The following SPATA16 variants were observed in gnomAD, a reference collection of about 807,000 sequenced individuals.
SPATA16 encodes the protein spermatogenesis associated 16, also known as spermatogenesis-associated protein 16.
In SPATA16, 36 loss-of-function variants were observed where a neutral mutation model predicts 63.3. The observed-to-expected ratio is 0.57, with a 90% confidence interval of 0.44 to 0.75. The LOEUF (loss-of-function observed/expected upper bound fraction) is 0.75, where lower values mean the gene tolerates loss of function less well. SPATA16 is among the 30% of genes least tolerant of loss of function. The pLI is 0.00. For synonymous variants in SPATA16, 203 were observed against 216.7 expected (o/e 0.94, Z 0.56); for missense variants, 646 against 679.3 (o/e 0.95, Z 0.54).
chr3:173,060,713 G>A (rs1736358930), intron 2 of SPATA16, among the ~76,000 whole-genome samples: 1 of 152,168 alleles, frequency 6.6e-6, no homozygotes, highest in Non-Finnish European at 1.5e-5. Flanking sequence ...GATAGCAGAT[G>A]CTAGAATTGA....
At chr3:173,075,458 A>C (rs73044973) in intron 2 of SPATA16, among the ~76,000 whole-genome samples, 5,292 of 152,280 alleles carry the variant, frequency 0.035, 272 homozygotes, top group African/African-American at 0.12. Flanking sequence ...AAATCAGTAT[A>C]TCAAAGAGAT....
At chr3:172,968,624 C>G (rs1422193987) in intron 5 of SPATA16, among the ~76,000 whole-genome samples, 1 of 152,162 alleles carries the variant, frequency 6.6e-6, no homozygotes, top group Non-Finnish European at 1.5e-5. Context: ...CCTTTCTTCC[C>G]TTTCTTTCTA....
rs1195985069 is a variant in SPATA16, at chr3:172,961,063, C to T, written c.934-4239G>A. On this transcript the variant is annotated intron_variant, in intron 5 of 10. Transcript: ENST00000351008. ...TTCTTTCTTTCTTCTTTCTTTCTTT[C>T]TTCTTTCTTCCTTCCTTCCTTCCTT... is the stretch of plus-strand genomic sequence containing the variant. Among the ~76,000 whole-genome samples, 4 of 28,710 alleles carry T rather than the reference C, an allele frequency of 1.4e-4. 1 individual carries two copies. Among genetic ancestry groups the T allele is most frequent in the Non-Finnish European group, 2.4e-4 (3 of 12,762 alleles). 18.8% of individuals were successfully genotyped at this position (28,710 alleles called of 152,430 possible).
At chr3:173,132,075 A>T (rs2861072) in intron 1 of SPATA16, among the ~76,000 whole-genome samples, 1 of 71,240 alleles carries the variant, frequency 1.4e-5, no homozygotes, top group African/African-American at 6.8e-5. Flanking sequence ...ATTTATGACA[A>T]GAGAGTGAGA....
chr3:172,894,543 T>G (rs1731968118), intron 10 of SPATA16, among the ~76,000 whole-genome samples: 1 of 150,830 alleles, frequency 6.6e-6, no homozygotes, highest in South Asian at 2.1e-4. Flanking sequence ...ATACCCATAA[T>G]GATAACACTT....
Position 173,049,036 on chromosome 3 carries a change from G to C in SPATA16, c.671C>G (p.Ala224Gly). The part of the protein sequence containing the change: ...EPFDAPAEDI[A>G]SVASFIETKL... ...TGTCTCAATGAAACTTGCCACGCTT[G>C]CTATATCTTCAGCAGGTGCATCAAA... The change falls in exon 3 of 11, where the codon GCA becomes GGA. Residue 224 changes from alanine (A) to glycine (G), a missense_variant. Coordinates refer to ENST00000351008, the MANE Select transcript of SPATA16 (RefSeq NM_031955.6). The C allele has an allele frequency of 6.2e-7, 1 of 1,613,738 alleles. No individual in the cohort carries two copies. The highest frequency in any genetic ancestry group is 8.5e-7 in the Non-Finnish European group (1 of 1,179,770).
chr3:173,054,045 T>C (rs1736159710), intron 2 of SPATA16, among the ~76,000 whole-genome samples: 1 of 151,954 alleles, frequency 6.6e-6, no homozygotes. Flanking sequence ...TTTCATATGC[T>C]CTGCTTTTTT....
chr3:173,004,957 A>G (rs1481496527), intron 4 of SPATA16, among the ~76,000 whole-genome samples: 2 of 152,216 alleles, frequency 1.3e-5, no homozygotes, highest in South Asian at 2.1e-4. Context: ...GAACTCTCCA[A>G]CTTAAACCTC....
At chr3:172,919,682 TA>T (rs201110374) in intron 8 of SPATA16, among the ~76,000 whole-genome samples, 2 of 151,590 alleles carry the variant, frequency 1.3e-5, no homozygotes, top group South Asian at 2.1e-4. Context: ...TTTAATTCTT[TA>T]TTTTTTTTTT....
intron 6 of SPATA16, among the ~76,000 whole-genome samples, chr3:172,951,234 T>C (rs1733423590): frequency 6.6e-6 from 1 of 152,118 alleles, no homozygotes; most frequent in African/African-American, 2.4e-5. Flanking sequence ...TATAATACAA[T>C]ACAGCTCTAT....
chr3:173,076,395 A>AT (rs1736803733), intron 2 of SPATA16, among the ~76,000 whole-genome samples: 1 of 143,082 alleles, frequency 7.0e-6, no homozygotes, highest in Admixed American at 6.9e-5. Context: ...GTTAGTATAA[A>AT]ATTTTTTTTT....
intron 3 of SPATA16, among the ~76,000 whole-genome samples, chr3:173,028,567 TA>T (rs1234541853): frequency 6.6e-6 from 1 of 151,980 alleles, no homozygotes; most frequent in African/African-American, 2.4e-5. Context: ...AAGCAAAATT[TA>T]AAATAATATG....
At chr3:173,076,144 A>G (rs780198341) in intron 2 of SPATA16, among the ~76,000 whole-genome samples, 2 of 152,136 alleles carry the variant, frequency 1.3e-5, no homozygotes, top group African/African-American at 2.4e-5. Flanking sequence ...ATTTATATGA[A>G]CTAGTATGGT....
At chr3:173,062,897 A>G (rs1395813260) in intron 2 of SPATA16, among the ~76,000 whole-genome samples, 2 of 152,192 alleles carry the variant, frequency 1.3e-5, no homozygotes, top group Non-Finnish European at 2.9e-5. Flanking sequence ...ACAGTTCACA[A>G]TAGGGTTTGT....
At chr3:172,935,048 C>T (rs1003446178) in intron 6 of SPATA16, among the ~76,000 whole-genome samples, 5 of 151,964 alleles carry the variant, frequency 3.3e-5, no homozygotes, top group African/African-American at 7.3e-5. Context: ...AAGAGACCAC[C>T]GTATTATTAC....
intron 3 of SPATA16, among the ~76,000 whole-genome samples, chr3:173,042,152 T>C (rs1308080745): frequency 2.0e-5 from 3 of 152,146 alleles, no homozygotes; most frequent in Admixed American, 6.6e-5. Context: ...AAAGCTGTAT[T>C]TTCATAGACG....
intron 6 of SPATA16, among the ~76,000 whole-genome samples, chr3:172,935,630 A>G (rs573899469): frequency 8.3e-4 from 127 of 152,350 alleles, no homozygotes; most frequent in African/African-American, 2.8e-3. Context: ...CCTGTAGTAC[A>G]TAAGTACACA....
chr3:172,916,199 G>T, intron 9 of SPATA16, 118 bp downstream of exon 9: 1 of 1,256,790 alleles, frequency 8.0e-7, no homozygotes, highest in South Asian at 1.2e-5. Context: ...AGGTTTGGGA[G>T]TTTGCCCTCA....
chr3:172,907,503 A>C (rs1427179827), intron 10 of SPATA16, among the ~76,000 whole-genome samples: 2 of 151,512 alleles, frequency 1.3e-5, no homozygotes, highest in Non-Finnish European at 2.9e-5. Context: ...ACTCTCATTC[A>C]TTCAGCTTGT....
Sources: allele counts gnomAD v4.1 joint callset (sites outside exome capture counted in the v4.1 genomes callset), GRCh38; gene constraint gnomAD v4.1.1; transcripts MANE v1.5; gene names NCBI Gene and HGNC (gene_info 2026-07-23, HGNC 2026-07-21).